Variants in TRHDE observed in about 807,000 individuals in gnomAD.
TRHDE encodes the protein thyrotropin releasing hormone degrading enzyme.
TRHDE carries 72 observed loss-of-function variants against 125.7 expected under a neutral mutation model. The observed-to-expected ratio is 0.57, with a 90% CI of 0.47 to 0.70. TRHDE has a LOEUF of 0.70. Among genes scored for constraint, TRHDE ranks in the 30% least tolerant of loss-of-function variants. The pLI is 0.00. For synonymous variants in TRHDE, 509 were observed against 509.1 expected, an observed-to-expected ratio of 1.00 and a Z score of 0.00; for missense variants, 1,110 against 1,327.1, an observed-to-expected ratio of 0.84 and a Z score of 2.54.
chr12:72,412,043 A>G (rs931438024), intron 3 of TRHDE, among the ~76,000 whole-genome samples: 3 of 152,202 alleles, frequency 2.0e-5, no homozygotes, highest in Non-Finnish European at 4.4e-5. Context: ...ATATAAGAGA[A>G]TAATTTCAAG....
rs1399412089 is a variant in TRHDE at position 72,473,012 on chromosome 12, A to G, written c.1471-55A>G. 11 of 1,304,586 alleles carry G rather than the reference A, an allele frequency of 8.4e-6. No individual in the cohort carries two copies. The Admixed American group carries it at 1.9e-4, about 23-fold the overall frequency. The allele number at this position is 1,304,586 out of a possible 1,614,324, so 80.8% of individuals were successfully genotyped here. ...TTTAATACATGTAATTTTAGATAAAATAGTTTGGGGATAGATTTTATTTTA... is the reference window on the plus strand; with the variant it reads ...TTTAATACATGTAATTTTAGATAAAGTAGTTTGGGGATAGATTTTATTTTA... On this transcript the variant is annotated intron_variant, in intron 4 of 18. Transcript: ENST00000261180.
intron 2 of TRHDE, among the ~76,000 whole-genome samples, chr12:72,174,841 A>G (rs1373973930): frequency 6.6e-6 from 1 of 152,138 alleles, no homozygotes; most frequent in Non-Finnish European, 1.5e-5. Flanking sequence ...TCATTTCTCC[A>G]CTGTAATATT....
chr12:72,150,723 T>C (rs1424904750), intron 2 of TRHDE, among the ~76,000 whole-genome samples: 1 of 152,054 alleles, frequency 6.6e-6, no homozygotes, highest in Non-Finnish European at 1.5e-5. Context: ...ACAAAGGACA[T>C]GAACTCATCA....
rs373959891 is a variant in TRHDE at position 72,312,308 on chromosome 12, A to G, written c.1188+25354A>G. 7.2e-4 allele frequency among the ~76,000 whole-genome samples: 109 copies of G among 152,318 alleles called. 2 individuals are homozygous for G. In the South Asian group the frequency reaches 0.022, roughly 31 times the overall value. On this transcript the variant is annotated intron_variant, in intron 2 of 18. Coordinates refer to ENST00000261180, the MANE Select transcript of TRHDE (RefSeq NM_013381.3). ...CTAAATGTATTGGTATTGTTCACAG[A>G]GCATCAACTTTATGATTATGTACAA...
At chr12:72,581,438 A>C (rs954862178) in intron 12 of TRHDE, among the ~76,000 whole-genome samples, 9 of 152,330 alleles carry the variant, frequency 5.9e-5, no homozygotes, top group Non-Finnish European at 1.2e-4. Flanking sequence ...CACAGGGTTA[A>C]ATCATGATCA....
intron 2 of TRHDE, among the ~76,000 whole-genome samples, chr12:72,213,856 G>A (rs1592486413): frequency 6.6e-6 from 1 of 152,018 alleles, no homozygotes; most frequent in Non-Finnish European, 1.5e-5. Context: ...TGGGAACTGA[G>A]GGGGAAAATG....
intron 2 of TRHDE, among the ~76,000 whole-genome samples, chr12:72,351,615 C>T (rs925558772): frequency 6.6e-6 from 1 of 151,890 alleles, no homozygotes; most frequent in Non-Finnish European, 1.5e-5. Flanking sequence ...TTATCTCCAT[C>T]ACTACCACCT....
intron 3 of TRHDE, among the ~76,000 whole-genome samples, chr12:72,469,486 A>G (rs528266060): frequency 1.3e-5 from 2 of 152,284 alleles, no homozygotes; most frequent in Non-Finnish European, 2.9e-5. Flanking sequence ...ATTTATTAGG[A>G]TGGGCCCATC....
intron 12 of TRHDE, among the ~76,000 whole-genome samples, chr12:72,616,188 T>C (rs1297467726): frequency 6.6e-6 from 1 of 152,184 alleles, no homozygotes. Flanking sequence ...TTTTATCAGG[T>C]TTGCTTTGCT....
intron 7 of TRHDE, among the ~76,000 whole-genome samples, chr12:72,545,094 A>G (rs1313458378): frequency 6.6e-6 from 1 of 151,454 alleles, no homozygotes. Flanking sequence ...ACCACCAGCA[A>G]ATTAGCTTCC....
chr12:72,453,329 G>T (rs183435386), intron 3 of TRHDE, among the ~76,000 whole-genome samples: 4 of 152,302 alleles, frequency 2.6e-5, no homozygotes, highest in Non-Finnish European at 4.4e-5. Context: ...GTGGAAGTTT[G>T]AACTTGAGAG....
At chr12:72,271,500 G>T (rs1357270695), upstream of TRHDE, among the ~76,000 whole-genome samples, 1 of 152,108 alleles carries the variant, frequency 6.6e-6, no homozygotes, top group Non-Finnish European at 1.5e-5. Context: ...ACTTCTTGCA[G>T]GCGGCTCAGC....
chr12:72,632,495 A>G (rs2136087785), intron 15 of TRHDE, among the ~76,000 whole-genome samples: 1 of 152,034 alleles, frequency 6.6e-6, no homozygotes, highest in East Asian at 1.9e-4. Flanking sequence ...AACTTCTACT[A>G]CAATTGTATA....
intron 2 of TRHDE, among the ~76,000 whole-genome samples, chr12:72,150,452 G>T (rs1157870407): frequency 1.3e-5 from 2 of 151,452 alleles, no homozygotes; most frequent in African/African-American, 4.9e-5. Flanking sequence ...CTACGTGCAG[G>T]TTAGTTATAT....
chr12:72,420,791 C>A (rs1228409105), intron 3 of TRHDE, among the ~76,000 whole-genome samples: 1 of 152,128 alleles, frequency 6.6e-6, no homozygotes, highest in Non-Finnish European at 1.5e-5. Context: ...TATATCTCAA[C>A]TATTAGTAGC....
At chr12:72,439,635 A>T (rs1420209744) in intron 3 of TRHDE, among the ~76,000 whole-genome samples, 1 of 151,824 alleles carries the variant, frequency 6.6e-6, no homozygotes, top group Non-Finnish European at 1.5e-5. Context: ...TAGTTTTAAC[A>T]GTGCTTCAGT....
At chr12:72,513,712 A>C (rs996831966) in intron 6 of TRHDE, among the ~76,000 whole-genome samples, 1 of 151,960 alleles carries the variant, frequency 6.6e-6, no homozygotes, top group African/African-American at 2.4e-5. Context: ...TTTTTTTAAA[A>C]GTACAAAATC....
At chr12:72,497,311 A>G (rs971392451) in intron 5 of TRHDE, among the ~76,000 whole-genome samples, 2 of 152,046 alleles carry the variant, frequency 1.3e-5, no homozygotes, top group African/African-American at 4.8e-5. Context: ...TTTAGATTTT[A>G]TTTTTTAAAT....
intron 2 of TRHDE, among the ~76,000 whole-genome samples, chr12:72,325,171 T>A (rs1050804388): frequency 1.3e-5 from 2 of 151,870 alleles, no homozygotes; most frequent in Non-Finnish European, 2.9e-5. Flanking sequence ...TTTTTTTAAC[T>A]TGAAAAAACC....
Sources: allele counts gnomAD v4.1 joint callset (sites outside exome capture counted in the v4.1 genomes callset), GRCh38; gene constraint gnomAD v4.1.1; transcripts MANE v1.5; gene names NCBI Gene and HGNC (gene_info 2026-07-23, HGNC 2026-07-21).